TMEM170A: variants seen among roughly 807,000 people sequenced by gnomAD.
TMEM170A encodes the protein transmembrane protein 170A.
TMEM170A carries 18 observed loss-of-function variants against 12.8 expected under a neutral mutation model. The observed-to-expected ratio is 1.41, with a 90% CI of 0.97 to 2.09. The LOEUF (loss-of-function observed/expected upper bound fraction) is 2.09, where lower values mean the gene tolerates loss of function less well. Ranked by LOEUF, TMEM170A falls within the 30% of genes most tolerant of loss-of-function variation. TMEM170A has a pLI of 0.00. For missense variants in TMEM170A, 220 were observed against 179.9 expected (o/e 1.22, Z -1.28); for synonymous variants, 107 against 76.2 (o/e 1.40, Z -2.11).
intron 1 of TMEM170A, among the ~76,000 whole-genome samples, chr16:75,456,204 T>G (rs1326136445): frequency 6.6e-6 from 1 of 151,970 alleles, no homozygotes; most frequent in East Asian, 1.9e-4. Context: ...TTCTGAACAC[T>G]TCCAGTGAGA....
intron 1 of TMEM170A, among the ~76,000 whole-genome samples, chr16:75,461,301 G>A (rs1302321074): frequency 2.0e-5 from 3 of 151,838 alleles, no homozygotes; most frequent in Non-Finnish European, 2.9e-5. Context: ...TGATCCGCCC[G>A]CTTCGGCCTC....
intron 2 of TMEM170A, among the ~76,000 whole-genome samples, chr16:75,450,689 C>A (rs1307766216): frequency 6.6e-6 from 1 of 152,044 alleles, no homozygotes; most frequent in Non-Finnish European, 1.5e-5. Flanking sequence ...GGGTCTTGCT[C>A]TGTGGCCCAG....
rs978880667 is a variant in TMEM170A, at chr16:75,446,796, T to G, written c.*762A>C. On this transcript the variant is annotated 3_prime_UTR_variant, in exon 3 of 3. Transcript: ENST00000561878. The stretch of plus-strand genomic sequence containing the variant: ...ATGTTTCCAATTAAATGAAATAAAA[T>G]TAAGAGAATTAAAAGTGATAGGGAA... 1 of 152,102 alleles carries G rather than the reference T, an allele frequency of 6.6e-6. No homozygotes were observed. Among genetic ancestry groups the G allele is most frequent in the Non-Finnish European group, 1.5e-5 (1 of 68,006 alleles). 9.4% of individuals were successfully genotyped at this position (152,102 alleles called of 1,614,324 possible).
intron 1 of TMEM170A, among the ~76,000 whole-genome samples, chr16:75,456,520 A>C (rs923846748): frequency 6.6e-6 from 1 of 152,166 alleles, no homozygotes; most frequent in Non-Finnish European, 1.5e-5. Context: ...AGCCTTAGTC[A>C]ATAGTGTCAA....
At chr16:75,462,087 A>T (rs2079919182) in intron 1 of TMEM170A, among the ~76,000 whole-genome samples, 1 of 152,220 alleles carries the variant, frequency 6.6e-6, no homozygotes, top group South Asian at 2.1e-4. Flanking sequence ...TCTGATAGAC[A>T]TCATCTTCAC....
rs2079602146 is a variant in TMEM170A at position 75,447,230 on chromosome 16, A to C, written c.*328T>G. 2 of 177,086 alleles carry C rather than the reference A, an allele frequency of 1.1e-5. No homozygotes were observed. The highest frequency in any genetic ancestry group is 2.4e-5 in the Non-Finnish European group (2 of 85,056). 11.0% of individuals were successfully genotyped at this position (177,086 alleles called of 1,614,324 possible). On this transcript the variant is annotated 3_prime_UTR_variant, in exon 3 of 3. Coordinates refer to ENST00000561878, the MANE Select transcript of TMEM170A (RefSeq NM_145254.3). The stretch of plus-strand genomic sequence containing the variant: ...TTCAAAATATGCGACATCTCACAGA[A>C]TACTGTAAATTTCAGTGCAAAGGAT...
At chr16:75,448,249 G>A (rs2079621855) in intron 2 of TMEM170A, among the ~76,000 whole-genome samples, 1 of 152,158 alleles carries the variant, frequency 6.6e-6, no homozygotes. Context: ...CCATAAAGTT[G>A]TTATTCATTC....
rs536626160 is a variant in TMEM170A, at chr16:75,444,665, C to T, written c.*2893G>A. 6.6e-6 allele frequency: 1 copy of T among 151,986 alleles called. No individual in the cohort carries two copies. The highest frequency in any genetic ancestry group is 2.4e-5 in the African/African-American group (1 of 41,366). The allele number at this position is 151,986 out of a possible 1,614,324, so 9.4% of individuals were successfully genotyped here. On this transcript the variant is annotated 3_prime_UTR_variant, in exon 3 of 3. Transcript: ENST00000561878. ...ATTCCTTATGATTCAAATAGTCTTTCCCTGAAAACATTTCAAGCTACACCG... is the reference window on the plus strand; with the variant it reads ...ATTCCTTATGATTCAAATAGTCTTTTCCTGAAAACATTTCAAGCTACACCG...
chr16:75,453,624 C>T (rs888949564), intron 1 of TMEM170A, among the ~76,000 whole-genome samples: 4 of 152,200 alleles, frequency 2.6e-5, no homozygotes, highest in African/African-American at 9.7e-5. Context: ...AAAGACAATG[C>T]AGTAAATATC....
rs2079966457 is a variant in TMEM170A at position 75,464,618 on chromosome 16, C to G, written c.-18G>C. 1.9e-6 allele frequency: 3 copies of G among 1,573,564 alleles called. No homozygotes were observed. Among genetic ancestry groups the G allele is most frequent in the East Asian group, 5.1e-5 (2 of 39,584 alleles). ...CGCTCCATCCCGTCGCCATTCACCA[C>G]AGAGAAATGAGGGACGAGCGCCCGA... On this transcript the variant is annotated 5_prime_UTR_variant, in exon 1 of 3. Transcript: ENST00000561878.
In TMEM170A at chr16:75,443,111, G is replaced by C. The variant is rs1249489745; in HGVS notation, c.*4447C>G. On this transcript the variant is annotated 3_prime_UTR_variant, in exon 3 of 3. Coordinates refer to ENST00000561878, the MANE Select transcript of TMEM170A (RefSeq NM_145254.3). ...TGAACAAGAATTTTATCATAAATTA[G>C]TAAGAAGTAGAACATAAAAAAAGTT... 1 of 151,986 alleles carries C rather than the reference G, an allele frequency of 6.6e-6. No homozygotes were observed. The highest frequency in any genetic ancestry group is 2.4e-5 in the African/African-American group (1 of 41,374). The allele number at this position is 151,986 out of a possible 1,614,324, so 9.4% of individuals were successfully genotyped here.
intron 1 of TMEM170A, among the ~76,000 whole-genome samples, chr16:75,463,956 T>A (rs930177219): frequency 2.6e-5 from 4 of 152,098 alleles, no homozygotes; most frequent in Non-Finnish European, 2.9e-5. Context: ...AGGGGGAGGA[T>A]TTAGCCCCAG....
intron 1 of TMEM170A, among the ~76,000 whole-genome samples, chr16:75,454,794 C>T (rs545511185): frequency 6.6e-6 from 1 of 152,304 alleles, no homozygotes; most frequent in East Asian, 1.9e-4. Flanking sequence ...CAGGCCCCAC[C>T]TGACACTCCT....
At chr16:75,450,833 ATTT>A (rs1567698175) in intron 2 of TMEM170A, among the ~76,000 whole-genome samples, 19 of 151,976 alleles carry the variant, frequency 1.3e-4, no homozygotes, top group African/African-American at 4.1e-4. Flanking sequence ...TAAATTTTTT[ATTT>A]TTATTTGTAG....
rs1320277678 is a variant in TMEM170A at position 75,444,471 on chromosome 16, A to G, written c.*3087T>C. 6.6e-6 allele frequency: 1 copy of G among 152,232 alleles called. No homozygotes were observed. The highest frequency in any genetic ancestry group is 1.5e-5 in the Non-Finnish European group (1 of 68,080). 9.4% of individuals were successfully genotyped at this position (152,232 alleles called of 1,614,324 possible). On this transcript the variant is annotated 3_prime_UTR_variant, in exon 3 of 3. Coordinates refer to ENST00000561878, the MANE Select transcript of TMEM170A (RefSeq NM_145254.3). ...ACTCCGTCTCAAAACAAAAAAACCAAAAAACCAAAGCACAGCTGGGGGAGG... is the reference window on the plus strand; with the variant it reads ...ACTCCGTCTCAAAACAAAAAAACCAGAAAACCAAAGCACAGCTGGGGGAGG...
chr16:75,460,215 T>A (rs919801292), intron 1 of TMEM170A, among the ~76,000 whole-genome samples: 1 of 152,228 alleles, frequency 6.6e-6, no homozygotes, highest in Non-Finnish European at 1.5e-5. Flanking sequence ...CTTAAGTTTC[T>A]TCTTTGTACA....
chr16:75,459,285 TAAC>T (rs1367451634), intron 1 of TMEM170A, among the ~76,000 whole-genome samples: 2 of 152,176 alleles, frequency 1.3e-5, no homozygotes, highest in African/African-American at 4.8e-5. Flanking sequence ...GATTCTGTAT[TAAC>T]AAAAGCGGTC....
At chr16:75,464,420 A>G (rs924254148) in intron 1 of TMEM170A, 48 bp downstream of exon 1, 1 of 1,399,434 alleles carries the variant, frequency 7.1e-7, no homozygotes, top group Non-Finnish European at 9.3e-7. Context: ...ACAGCACGGC[A>G]GCGGCGACGG....
Position 75,447,398 on chromosome 16 carries a change from G to T in TMEM170A, c.*160C>A. ...TCCACATAAGTCTTCAATTCTAGGA[G>T]CTTCAAAATGAAGAAAAGGCTGAGA... On this transcript the variant is annotated 3_prime_UTR_variant, in exon 3 of 3. Coordinates refer to ENST00000561878, the MANE Select transcript of TMEM170A (RefSeq NM_145254.3). 4.1e-6 allele frequency: 3 copies of T among 725,526 alleles called. No homozygotes were observed. The highest frequency in any genetic ancestry group is 6.0e-6 in the Non-Finnish European group (3 of 501,598). The allele number at this position is 725,526 out of a possible 1,614,324, so 44.9% of individuals were successfully genotyped here.
Sources: allele counts gnomAD v4.1 joint callset (sites outside exome capture counted in the v4.1 genomes callset), GRCh38; gene constraint gnomAD v4.1.1; transcripts MANE v1.5; gene names NCBI Gene and HGNC (gene_info 2026-07-23, HGNC 2026-07-21).